Variants in DHX58 observed in about 807,000 individuals in gnomAD.
DHX58 encodes the protein DExH-box helicase 58.
Under a neutral mutation model 65.0 loss-of-function variants are expected in DHX58, and 51 were observed. The ratio of observed to expected loss-of-function variants is 0.78; its 90% CI spans 0.63 to 0.99. DHX58 has a LOEUF of 0.99. Ranked by LOEUF, DHX58 falls within the 50% of genes least tolerant of loss-of-function variation. The pLI is 0.00. For missense variants in DHX58, 773 were observed against 891.8 expected, an observed-to-expected ratio of 0.87 and a Z score of 1.70; for synonymous variants, 350 against 365.0, an observed-to-expected ratio of 0.96 and a Z score of 0.47.
In DHX58 at chr17:42,104,814, C is replaced by T. The variant is rs1555662226; in HGVS notation, c.1515G>A (p.Gln505=). ...INEALETLME[Q]AVAAVQKMDQ... is the part of the protein sequence containing the mutation. ...CCATTTTCTGCACAGCAGCCACTGC[C>T]TGCTCCATCAGCGTCTCCAGCGCCT... The change falls in exon 11 of 14, where the codon CAG becomes CAA. Residue 505 remains glutamine (Q), a synonymous_variant. Transcript: ENST00000251642. 2 of 1,614,038 alleles carry T rather than the reference C, an allele frequency of 1.2e-6. No homozygotes were observed. Among genetic ancestry groups the T allele is most frequent in the Non-Finnish European group, 1.7e-6 (2 of 1,180,042 alleles).
chr17:42,102,336 C>A (rs782207525), intron 12 of DHX58, 24 bp from the exon 13 acceptor site: 2 of 1,604,562 alleles, frequency 1.2e-6, no homozygotes, highest in African/African-American at 1.3e-5. Context: ...GGGGTGGCCA[C>A]AGCCCTCATT....
intron 7 of DHX58, 65 bp from the exon 8 acceptor site, chr17:42,107,860 C>A: frequency 6.5e-7 from 1 of 1,541,090 alleles, no homozygotes; most frequent in South Asian, 1.2e-5. Context: ...CCCCATAGGG[C>A]CGTCCCACTC....
chr17:42,109,885 C>T (rs1224082132), intron 5 of DHX58, among the ~76,000 whole-genome samples: 1 of 132,358 alleles, frequency 7.6e-6, no homozygotes, highest in Non-Finnish European at 1.5e-5. Flanking sequence ...ACAGAGACTC[C>T]GTCTCAAAAA....
chr17:42,104,130 A>G (rs1006414675), intron 11 of DHX58, among the ~76,000 whole-genome samples: 9 of 151,898 alleles, frequency 5.9e-5, no homozygotes, highest in South Asian at 2.1e-4. Context: ...GGCTGAGGCA[A>G]GAGAATTGCT....
rs781949725 is a variant in DHX58 at position 42,104,789 on chromosome 17, C to A, written c.1540G>T (p.Asp514Tyr). 1 of 1,614,038 alleles carries A rather than the reference C, an allele frequency of 6.2e-7. No homozygotes were observed. Among genetic ancestry groups the A allele is most frequent in the South Asian group, 1.1e-5 (1 of 91,082 alleles). ...ACCTTGGCCTGGTACTCGGCCTGGT[C>A]CATTTTCTGCACAGCAGCCACTGCC... Reference protein sequence around the residue: ...EQAVAAVQKMDQAEYQAKIRD... With the variant: ...EQAVAAVQKMYQAEYQAKIRD... Residue 514 changes from aspartate to tyrosine, a missense_variant, in exon 11 of 14, where the codon GAC becomes TAC. Transcript: ENST00000251642.
Position 42,101,648 on chromosome 17 carries a change from T to TGGCCTCCA in DHX58, c.*112_*113insTGGAGGCC. ...AGCCAGGGTGCCCAGGACTCCTGTG[T>TGGCCTCCA]GGCTGGTGGGCCTGATGCCCACAGC... is the stretch of plus-strand genomic sequence containing the variant. On this transcript the variant is annotated 3_prime_UTR_variant, in exon 14 of 14. Transcript: ENST00000251642. 1 of 1,428,646 alleles carries TGGCCTCCA rather than the reference T, an allele frequency of 7.0e-7. No homozygotes were observed. 88.5% of individuals were successfully genotyped at this position (1,428,646 alleles called of 1,614,324 possible).
chr17:42,101,780 G>A lies in DHX58; in HGVS notation c.2018C>T (p.Ser673Leu), dbSNP rs147121502. The change falls in exon 14 of 14, where the codon TCG (serine) becomes TTG (leucine). Residue 673 changes from serine (S) to leucine (L), a missense_variant. By Grantham distance (145) the Ser-to-Leu change is moderately radical. Transcript: ENST00000251642. ...AGGTGGTCAGTCCAGGGAGAGGTCC[G>A]ACAAGTTCTCGGCACAATGCTGCAG... Reference protein sequence around the residue: ...DFLQHCAENLSDLSLD With the variant: ...DFLQHCAENLLDLSLD The A allele has an allele frequency of 8.1e-6, 13 of 1,614,058 alleles. No homozygotes were observed. In the African/African-American group the frequency reaches 1.2e-4, roughly 15 times the overall value.
At chr17:42,102,042 TC>T in intron 13 of DHX58, 96 bp from the exon 14 acceptor site, 1 of 1,472,240 alleles carries the variant, frequency 6.8e-7, no homozygotes, top group Non-Finnish European at 9.2e-7. Context: ...GGCCTTTTCC[TC>T]CCACCTGAGA....
Position 42,103,720 on chromosome 17 carries a change from G to A in DHX58, c.1642C>T (p.Pro548Ser), listed in dbSNP as rs1439684490. The A allele has an allele frequency of 6.2e-7, 1 of 1,613,514 alleles. No individual in the cohort carries two copies. Among genetic ancestry groups the A allele is most frequent in the Non-Finnish European group, 8.5e-7 (1 of 1,180,022 alleles). Reference sequence around the variant, plus strand: ...CAGAGTAGCTGCACGTGCTCCACTGGGAACTGCTGCCGCTGGTTCTCCCGC... The same window carrying A: ...CAGAGTAGCTGCACGTGCTCCACTGAGAACTGCTGCCGCTGGTTCTCCCGC... ...AQRENQRQQF[P>S]VEHVQLLCIN... Residue 548 changes from proline (P) to serine (S), a missense_variant, in exon 12 of 14, where the codon CCA becomes TCA. Pro to Ser is a moderately conservative substitution (Grantham distance 74). Coordinates refer to ENST00000251642, the MANE Select transcript of DHX58 (RefSeq NM_024119.3).
intron 12 of DHX58, 64 bp from the exon 13 acceptor site, chr17:42,102,376 T>G: frequency 7.0e-7 from 1 of 1,436,474 alleles, no homozygotes; most frequent in Non-Finnish European, 9.8e-7. Flanking sequence ...TCTCATGCCC[T>G]CCTGCCGGCC....
At chr17:42,106,801 AAAAAAC>A (rs1217880559) in intron 8 of DHX58, among the ~76,000 whole-genome samples, 3 of 150,748 alleles carry the variant, frequency 2.0e-5, no homozygotes, top group Middle Eastern at 3.5e-3. Context: ...CTCCCTCTCA[AAAAAAC>A]AAAAACAAAA....
chr17:42,112,580 G>GC (rs1568007595), intron 1 of DHX58, 25 bp downstream of exon 1: 1 of 143,866 alleles, frequency 7.0e-6, no homozygotes, highest in Non-Finnish European at 1.5e-5. Context: ...GGGGTGGGGG[G>GC]GGGTGGGAGT....
intron 8 of DHX58, among the ~76,000 whole-genome samples, chr17:42,107,341 G>A (rs967370840): frequency 4.0e-5 from 6 of 149,876 alleles, no homozygotes; most frequent in African/African-American, 1.3e-4. Flanking sequence ...CCTCCAGCCT[G>A]GGTGACAGAG....
Position 42,104,845 on chromosome 17 carries a change from A to G in DHX58, c.1484T>C (p.Ile495Thr), listed in dbSNP as rs201130883. 1.3e-4 allele frequency: 207 copies of G among 1,614,108 alleles called. No individual in the cohort carries two copies. The East Asian group carries it at 4.4e-3, about 35-fold the overall frequency. ...CATCAGCGTCTCCAGCGCCTCGTTG[A>G]TCAGCTCCCGCTTCAGCTCCCGGCT... ...EGSRELKREL[I>T]NEALETLMEQ... Residue 495 changes from isoleucine (I) to threonine (T), a missense_variant, in exon 11 of 14, where the codon ATC (isoleucine) becomes ACC (threonine). Coordinates refer to ENST00000251642, the MANE Select transcript of DHX58 (RefSeq NM_024119.3).
In DHX58 at chr17:42,102,290, C is replaced by G. The variant is rs782145726; in HGVS notation, c.1777G>C (p.Asp593His). The G allele has an allele frequency of 5.0e-6, 8 of 1,614,156 alleles. No individual in the cohort carries two copies. In the South Asian group the frequency reaches 7.7e-5, roughly 16 times the overall value. Residue 593 changes from aspartate (D) to histidine (H), a missense_variant, in exon 13 of 14, where the codon GAT becomes CAT. Coordinates refer to ENST00000251642, the MANE Select transcript of DHX58 (RefSeq NM_024119.3). ...NFSNYYNVSR[D>H]PVVINKVFKD... is the part of the protein sequence containing the mutation. ...AAGACTTTGTTGATGACCACAGGAT[C>G]CCTGGAGACATTATAGTAGTTCCTG...
chr17:42,103,450 G>C (rs2143985624), intron 12 of DHX58, 158 bp downstream of exon 12: 1 of 934,178 alleles, frequency 1.1e-6, no homozygotes, highest in East Asian at 2.7e-5. Flanking sequence ...TTCCTTGCCT[G>C]TAAAATGGAG....
At chr17:42,106,368 C>A (rs1206015476) in intron 8 of DHX58, among the ~76,000 whole-genome samples, 5 of 135,444 alleles carry the variant, frequency 3.7e-5, no homozygotes, top group African/African-American at 1.4e-4. Flanking sequence ...GGATTCAGAT[C>A]TTGGAGTGGG....
At chr17:42,103,227 T>C in intron 12 of DHX58, 2 of 237,854 alleles carry the variant, frequency 8.4e-6, no homozygotes, top group South Asian at 1.1e-4. Context: ...ACATAATGAA[T>C]GGATGGAGGA....
chr17:42,103,668 TG>T lies in DHX58; in HGVS notation c.1693del (p.His565MetfsTer16). 2.5e-6 allele frequency: 4 copies of T among 1,614,028 alleles called. No individual in the cohort carries two copies. Among genetic ancestry groups the T allele is most frequent in the Non-Finnish European group, 3.4e-6 (4 of 1,180,034 alleles). On this transcript the variant is annotated frameshift_variant, in exon 12 of 14. Coordinates refer to ENST00000251642, the MANE Select transcript of DHX58 (RefSeq NM_024119.3). LOFTEE classifies it high-confidence loss of function. ...CTCCACCTTCCGCAGGTCGCTGCCA[TG>T]GCCCACAGCCACCATGCAGTTGATG... ...LCINCMVAVG[H>X]GSDLRKVEGT...
Sources: gnomAD v4.1 joint callset for allele counts (sites outside exome capture counted in the v4.1 genomes callset) on GRCh38, gnomAD v4.1.1 for gene constraint, MANE v1.5 for transcripts, NCBI Gene and HGNC (gene_info 2026-07-23, HGNC 2026-07-21) for gene names.